TEKT5: variants seen among roughly 807,000 people sequenced by gnomAD.
The protein encoded by TEKT5 is tektin 5.
A neutral mutation model predicts 48.7 loss-of-function variants in TEKT5; 52 were observed. The ratio of observed to expected loss-of-function variants is 1.07; its 90% CI spans 0.86 to 1.35. The LOEUF (loss-of-function observed/expected upper bound fraction) is 1.35. TEKT5 is among the 40% of genes most tolerant of loss of function. The pLI is 0.00. For missense variants in TEKT5, 831 were observed against 641.6 expected, an observed-to-expected ratio of 1.30 and a Z score of -3.19; for synonymous variants, 318 against 267.6, an observed-to-expected ratio of 1.19 and a Z score of -1.84.
chr16:10,659,421 A>C (rs1475978085), intron 5 of TEKT5, among the ~76,000 whole-genome samples: 4 of 152,076 alleles, frequency 2.6e-5, no homozygotes, highest in Non-Finnish European at 4.4e-5. Context: ...GCTTTGTCAC[A>C]CAGGCTGGAG....
chr16:10,646,451 C>G (rs1476060299), intron 5 of TEKT5, among the ~76,000 whole-genome samples: 2 of 152,182 alleles, frequency 1.3e-5, no homozygotes, highest in Non-Finnish European at 2.9e-5. Flanking sequence ...ACACCCAGTC[C>G]CTGCCTTCAA....
At chr16:10,629,340 T>C (rs1275333376) in intron 6 of TEKT5, among the ~76,000 whole-genome samples, 1 of 151,336 alleles carries the variant, frequency 6.6e-6, no homozygotes, top group East Asian at 1.9e-4. Flanking sequence ...AACCTCTGCC[T>C]CCCGGGTTCA....
intron 4 of TEKT5, 143 bp downstream of exon 4, chr16:10,681,850 G>C (rs547275300): frequency 2.7e-6 from 3 of 1,125,496 alleles, no homozygotes; most frequent in Non-Finnish European, 2.6e-6. Context: ...GGATTCTGCC[G>C]CCTGCGCTAG....
At chr16:10,636,957 C>T (rs1216699050) in intron 5 of TEKT5, among the ~76,000 whole-genome samples, 1 of 149,578 alleles carries the variant, frequency 6.7e-6, no homozygotes, top group African/African-American at 2.5e-5. Flanking sequence ...GCTGGGATTA[C>T]AGGCACCTGC....
At chr16:10,631,410 C>T (rs1266861591) in intron 6 of TEKT5, among the ~76,000 whole-genome samples, 1 of 151,086 alleles carries the variant, frequency 6.6e-6, no homozygotes, top group Admixed American at 6.6e-5. Context: ...TTCGGGATAA[C>T]CTCCAGGCTG....
At chr16:10,692,112 T>C (rs544858785) in intron 1 of TEKT5, among the ~76,000 whole-genome samples, 33 of 151,784 alleles carry the variant, frequency 2.2e-4, no homozygotes, top group Admixed American at 3.3e-4. Context: ...GGAGATAGAA[T>C]TGAGATGTCG....
At chr16:10,653,999 CGTGTGTGTGTGTGTGCATGTGT>C (rs966958934) in intron 5 of TEKT5, among the ~76,000 whole-genome samples, 31 of 149,634 alleles carry the variant, frequency 2.1e-4, no homozygotes, top group African/African-American at 6.5e-4. Flanking sequence ...TGTGTGTGAA[CGTGTGTGTGTGTGTGCATGTGT>C]GTGTGTGTGC....
chr16:10,673,425 G>C (rs1411183009), intron 5 of TEKT5, among the ~76,000 whole-genome samples: 2 of 152,158 alleles, frequency 1.3e-5, no homozygotes, highest in African/African-American at 4.8e-5. Flanking sequence ...TCTAGCCTTT[G>C]ACAGGAAAAG....
chr16:10,666,130 T>C (rs921268992), intron 5 of TEKT5, among the ~76,000 whole-genome samples: 1 of 152,162 alleles, frequency 6.6e-6, no homozygotes, highest in Non-Finnish European at 1.5e-5. Flanking sequence ...GGGGTGTGGA[T>C]GCCCTGAAGA....
intron 5 of TEKT5, among the ~76,000 whole-genome samples, chr16:10,640,025 T>C (rs1897968409): frequency 1.3e-5 from 2 of 148,472 alleles, no homozygotes; most frequent in South Asian, 4.4e-4. Flanking sequence ...AGTCTTTCTC[T>C]TCCCCTTCTC....
intron 5 of TEKT5, among the ~76,000 whole-genome samples, chr16:10,663,019 G>C (rs550991152): frequency 6.6e-6 from 1 of 152,154 alleles, no homozygotes; most frequent in Non-Finnish European, 1.5e-5. Context: ...GGAGAAGCCG[G>C]AAGCAAATCT....
rs183582249 is a variant in TEKT5 at position 10,686,841 on chromosome 16, T to C, written c.719+2412A>G. ...AAGATACGAAATCAACCTAAGTATC[T>C]CATAACAGATGAATGGATAAAGAAA... On this transcript the variant is annotated intron_variant, in intron 3 of 6. Transcript: ENST00000283025. Among the ~76,000 whole-genome samples, 79 of 152,266 alleles carry C rather than the reference T, an allele frequency of 5.2e-4. 1 individual carries two copies. Among genetic ancestry groups the C allele is most frequent in the African/African-American group, 1.8e-3 (76 of 41,544 alleles).
At chr16:10,682,176 C>G (rs1268283630) in intron 3 of TEKT5, 40 bp from the exon 4 acceptor site, 2 of 1,602,604 alleles carry the variant, frequency 1.2e-6, no homozygotes, top group Admixed American at 1.7e-5. Flanking sequence ...TATGCACCTG[C>G]ACAGAGTACC....
At chr16:10,658,202 GT>G (rs1170753108) in intron 5 of TEKT5, among the ~76,000 whole-genome samples, 1 of 152,158 alleles carries the variant, frequency 6.6e-6, no homozygotes, top group African/African-American at 2.4e-5. Context: ...CTGAAAAGCC[GT>G]TTGACAGAAC....
At chr16:10,661,443 T>G (rs1898368383) in intron 5 of TEKT5, among the ~76,000 whole-genome samples, 1 of 152,070 alleles carries the variant, frequency 6.6e-6, no homozygotes, top group African/African-American at 2.4e-5. Context: ...TTTTACAAAC[T>G]CCCAAGCTAT....
chr16:10,638,810 C>A (rs180908451), intron 5 of TEKT5, among the ~76,000 whole-genome samples: 8 of 152,178 alleles, frequency 5.3e-5, no homozygotes, highest in South Asian at 2.1e-4. Context: ...ACCAGTGAAG[C>A]CTTACTTGAA....
At chr16:10,645,132 C>T (rs887819178) in intron 5 of TEKT5, among the ~76,000 whole-genome samples, 9 of 152,184 alleles carry the variant, frequency 5.9e-5, no homozygotes, top group Non-Finnish European at 1.5e-5. Flanking sequence ...AACCACCTAG[C>T]CTATGGTGGT....
At chr16:10,684,574 G>C (rs1898822220) in intron 3 of TEKT5, among the ~76,000 whole-genome samples, 1 of 152,088 alleles carries the variant, frequency 6.6e-6, no homozygotes, top group African/African-American at 2.4e-5. Context: ...AATTGGCAGA[G>C]TCCTGGAGAA....
At chr16:10,681,377 GTCTCTCT>G (rs1898746235) in intron 4 of TEKT5, among the ~76,000 whole-genome samples, 2 of 38,780 alleles carry the variant, frequency 5.2e-5, no homozygotes, top group Non-Finnish European at 9.9e-5. Context: ...TCCACTCTCT[GTCTCTCT>G]CTCTCTCTCT....
Sources: allele counts gnomAD v4.1 joint callset (sites outside exome capture counted in the v4.1 genomes callset), GRCh38; gene constraint gnomAD v4.1.1; transcripts MANE v1.5; gene names NCBI Gene and HGNC (gene_info 2026-07-23, HGNC 2026-07-21).